Variants in NPAS3 observed in about 807,000 individuals in gnomAD.
NPAS3 encodes neuronal PAS domain-containing protein 3.
In NPAS3, 14 loss-of-function variants were observed where a neutral mutation model predicts 73.1. That is an observed-to-expected ratio of 0.19 (90% CI 0.13 to 0.30). NPAS3 has a LOEUF of 0.30. Ranked by LOEUF, NPAS3 falls within the 10% of genes least tolerant of loss-of-function variation. NPAS3 has a pLI of 1.00. For missense variants in NPAS3, 1,096 were observed against 1,250.0 expected, an observed-to-expected ratio of 0.88 and a Z score of 1.86; for synonymous variants, 620 against 541.5, an observed-to-expected ratio of 1.14 and a Z score of -2.01.
intron 1 of NPAS3, among the ~76,000 whole-genome samples, chr14:33,003,652 C>G (rs2038888622): frequency 6.6e-6 from 1 of 152,024 alleles, no homozygotes; most frequent in South Asian, 2.1e-4. Flanking sequence ...AGAAGAAATC[C>G]AAGTAAGATT....
At chr14:33,013,935 G>A (rs978018817) in intron 1 of NPAS3, among the ~76,000 whole-genome samples, 2 of 152,046 alleles carry the variant, frequency 1.3e-5, no homozygotes, top group African/African-American at 4.8e-5. Context: ...TTTCATGTCA[G>A]TAACAACATG....
chr14:33,724,891 C>G (rs903983601), intron 6 of NPAS3, among the ~76,000 whole-genome samples: 2 of 151,988 alleles, frequency 1.3e-5, no homozygotes, highest in African/African-American at 4.8e-5. Context: ...AAAGCTCAGC[C>G]CCAGTCATAC....
rs561851486 is a variant in NPAS3 at position 33,166,414 on chromosome 14, C to T, written c.141-48768C>T. 3.4e-4 allele frequency among the ~76,000 whole-genome samples: 52 copies of T among 152,076 alleles called. 1 individual carries two copies. Among genetic ancestry groups the T allele is most frequent in the Non-Finnish European group, 7.3e-4 (50 of 68,032 alleles). ...CTTCCCTTTGTATGTCCCTCAGTTA[C>T]AGCCTGCATTCCACCCTGCCTTGAA... On this transcript the variant is annotated intron_variant, in intron 2 of 11. Coordinates refer to ENST00000356141, the Ensembl canonical transcript of NPAS3.
At chr14:33,292,535 A>T (rs1298763673) in intron 3 of NPAS3, among the ~76,000 whole-genome samples, 4 of 152,198 alleles carry the variant, frequency 2.6e-5, no homozygotes, top group Non-Finnish European at 5.9e-5. Flanking sequence ...TTTATTTTAA[A>T]TATGCCCTAA....
At chr14:33,535,446 A>G (rs1287708633) in intron 4 of NPAS3, among the ~76,000 whole-genome samples, 1 of 152,208 alleles carries the variant, frequency 6.6e-6, no homozygotes, top group African/African-American at 2.4e-5. Flanking sequence ...AACAGTCTAT[A>G]GAGTAGAATC....
intron 3 of NPAS3, among the ~76,000 whole-genome samples, chr14:33,335,043 C>CGTGTGTGTGTGT (rs59212032): frequency 6.8e-6 from 1 of 146,950 alleles, no homozygotes; most frequent in Non-Finnish European, 1.5e-5. Flanking sequence ...TGTGTGTGTG[C>CGTGTGTGTGTGT]GTGTGTGTGT....
At chr14:33,273,695 A>G (rs1461841634) in intron 3 of NPAS3, among the ~76,000 whole-genome samples, 3 of 152,166 alleles carry the variant, frequency 2.0e-5, no homozygotes, top group Non-Finnish European at 4.4e-5. Context: ...TAAACTCATT[A>G]AAAATGATAG....
At position 33,345,960 on chromosome 14, in the gene NPAS3, C is replaced by T. The variant is rs537370619; in HGVS notation, c.386-21226C>T. ...AGAAGTGTTGATTCAGGGCTGGGCA[C>T]GGTGGTTCATGCCTGTAATCCCAGC... On this transcript the variant is annotated intron_variant, in intron 3 of 11. Transcript: ENST00000356141. 5.3e-5 allele frequency among the ~76,000 whole-genome samples: 8 copies of T among 152,136 alleles called. No homozygotes were observed. In the East Asian group the frequency reaches 7.8e-4, roughly 15 times the overall value.
At chr14:33,144,489 G>A (rs1266806608) in intron 2 of NPAS3, among the ~76,000 whole-genome samples, 2 of 152,192 alleles carry the variant, frequency 1.3e-5, no homozygotes, top group Admixed American at 1.3e-4. Flanking sequence ...GCATACTGCA[G>A]CATCTTTATA....
At chr14:33,192,271 T>C (rs1192007585) in intron 2 of NPAS3, among the ~76,000 whole-genome samples, 1 of 152,208 alleles carries the variant, frequency 6.6e-6, no homozygotes, top group Non-Finnish European at 1.5e-5. Context: ...TAATACCAAG[T>C]ATATTAAGTC....
At chr14:33,495,182 T>C (rs1187300342) in intron 4 of NPAS3, among the ~76,000 whole-genome samples, 1 of 152,146 alleles carries the variant, frequency 6.6e-6, no homozygotes, top group East Asian at 1.9e-4. Flanking sequence ...TGTGTCTTTG[T>C]TCTCACTGGT....
intron 3 of NPAS3, among the ~76,000 whole-genome samples, chr14:33,251,706 A>G (rs1424426094): frequency 1.3e-5 from 2 of 152,128 alleles, no homozygotes; most frequent in Non-Finnish European, 2.9e-5. Context: ...TAATTCAACA[A>G]ATAGCCTTAA....
chr14:33,681,820 T>C (rs2059946357), intron 6 of NPAS3, among the ~76,000 whole-genome samples: 1 of 152,152 alleles, frequency 6.6e-6, no homozygotes, highest in Admixed American at 6.5e-5. Flanking sequence ...TGTCAAATGA[T>C]AGAAAGTTCA....
intron 2 of NPAS3, among the ~76,000 whole-genome samples, chr14:33,099,748 G>A (rs2042528485): frequency 6.6e-6 from 1 of 152,132 alleles, no homozygotes; most frequent in African/African-American, 2.4e-5. Context: ...CTGATATTTA[G>A]AAATTATATA....
chr14:33,410,535 A>G (rs1385705174), intron 4 of NPAS3, among the ~76,000 whole-genome samples: 1 of 152,198 alleles, frequency 6.6e-6, no homozygotes, highest in East Asian at 1.9e-4. Flanking sequence ...AAAACAGAAA[A>G]TTCATTACTT....
intron 4 of NPAS3, among the ~76,000 whole-genome samples, chr14:33,527,487 A>G (rs1157567350): frequency 6.6e-6 from 1 of 152,150 alleles, no homozygotes; most frequent in Non-Finnish European, 1.5e-5. Flanking sequence ...CAGAGTTCTC[A>G]TATGACTTCC....
intron 5 of NPAS3, among the ~76,000 whole-genome samples, chr14:33,656,207 C>T (rs1196867524): frequency 6.6e-6 from 1 of 152,188 alleles, no homozygotes; most frequent in East Asian, 1.9e-4. Flanking sequence ...ATGATTGGCA[C>T]AATTAAGTAC....
intron 2 of NPAS3, among the ~76,000 whole-genome samples, chr14:33,117,541 G>GGTTT (rs754115248): frequency 6.6e-6 from 1 of 152,028 alleles, no homozygotes; most frequent in Non-Finnish European, 1.5e-5. Context: ...TGGCGATTTA[G>GGTTT]GTTTGATTGT....
Position 33,667,777 on chromosome 14 carries a change from C to G in NPAS3, c.559-8434C>G, listed in dbSNP as rs562341257. ...GTATTCGGGAGGGTCAGTGGTTAAT[C>G]ATGGCGTGAAGAATTTTGTTCCTTC... is the stretch of plus-strand genomic sequence containing the variant. On this transcript the variant is annotated intron_variant, in intron 5 of 11. Coordinates refer to ENST00000356141, the Ensembl canonical transcript of NPAS3. Among the ~76,000 whole-genome samples the G allele has an allele frequency of 6.9e-4, 105 of 152,280 alleles. 1 individual carries two copies. The Middle Eastern group carries it at 0.014, about 20-fold the overall frequency.
Sources: allele counts gnomAD v4.1 joint callset (sites outside exome capture counted in the v4.1 genomes callset), GRCh38; gene constraint gnomAD v4.1.1; transcripts MANE v1.5; gene names NCBI Gene and HGNC (gene_info 2026-07-23, HGNC 2026-07-21).